ADAMTSL1: variants seen among roughly 807,000 people sequenced by gnomAD.
ADAMTSL1 encodes the protein ADAMTS-like protein 1.
In ADAMTSL1, 126 loss-of-function variants were observed where a neutral mutation model predicts 201.8. The observed-to-expected ratio is 0.62, with a 90% confidence interval of 0.54 to 0.72. ADAMTSL1 has a LOEUF of 0.72. ADAMTSL1 is among the 30% of genes least tolerant of loss of function. The pLI is 0.00. For missense variants in ADAMTSL1, 2,679 were observed against 2,277.8 expected (o/e 1.18, Z -3.59); for synonymous variants, 1,121 against 903.4 (o/e 1.24, Z -4.32).
chr9:18,065,870 A>G (rs1822670331), intron 1 of ADAMTSL1, among the ~76,000 whole-genome samples: 1 of 150,578 alleles, frequency 6.6e-6, no homozygotes. Flanking sequence ...AATCCCAGCT[A>G]TTCAGGAGGC....
At chr9:18,330,827 A>G (rs1179526748) in intron 2 of ADAMTSL1, among the ~76,000 whole-genome samples, 1 of 152,220 alleles carries the variant, frequency 6.6e-6, no homozygotes, top group African/African-American at 2.4e-5. Context: ...TGGCTTTTGT[A>G]AAAGCAAATG....
chr9:18,289,947 C>T (rs867968544), intron 2 of ADAMTSL1, among the ~76,000 whole-genome samples: 2 of 152,022 alleles, frequency 1.3e-5, no homozygotes, highest in South Asian at 2.1e-4. Context: ...TTTTTTTACC[C>T]TCTGGAGTGT....
chr9:18,095,787 G>T (rs779029810), intron 1 of ADAMTSL1, among the ~76,000 whole-genome samples: 2 of 152,010 alleles, frequency 1.3e-5, no homozygotes, highest in Non-Finnish European at 2.9e-5. Flanking sequence ...CATAATTCTT[G>T]CTCCAGTCCT....
At chr9:18,694,267 G>T (rs1831413420) in intron 13 of ADAMTSL1, among the ~76,000 whole-genome samples, 1 of 152,006 alleles carries the variant, frequency 6.6e-6, no homozygotes, top group Admixed American at 6.6e-5. Flanking sequence ...TCCTGCCCCT[G>T]GCCCCTCCCA....
chr9:18,771,110 C>T (rs1212491165), intron 17 of ADAMTSL1, among the ~76,000 whole-genome samples: 1 of 152,124 alleles, frequency 6.6e-6, no homozygotes, highest in Non-Finnish European at 1.5e-5. Context: ...CTCCACACCA[C>T]CCCCTCCTCC....
chr9:18,876,848 C>G (rs1410595181), intron 23 of ADAMTSL1, among the ~76,000 whole-genome samples: 1 of 152,170 alleles, frequency 6.6e-6, no homozygotes, highest in Non-Finnish European at 1.5e-5. Flanking sequence ...ATATGTTTAC[C>G]AAACATTTAG....
intron 19 of ADAMTSL1, among the ~76,000 whole-genome samples, chr9:18,783,146 T>C (rs1033907911): frequency 1.3e-5 from 2 of 152,182 alleles, no homozygotes; most frequent in African/African-American, 4.8e-5. Flanking sequence ...CTATTGATCT[T>C]TACTGGGCAT....
chr9:18,089,721 CAG>C, intron 1 of ADAMTSL1, among the ~76,000 whole-genome samples: 1 of 152,168 alleles, frequency 6.6e-6, no homozygotes, highest in East Asian at 1.9e-4. Flanking sequence ...CTCATAGAAG[CAG>C]AGAGTATAAT....
At chr9:18,089,441 A>T (rs953579163) in intron 1 of ADAMTSL1, among the ~76,000 whole-genome samples, 4 of 151,006 alleles carry the variant, frequency 2.6e-5, no homozygotes, top group African/African-American at 9.8e-5. Context: ...CAGGGAGGGG[A>T]ACATCACACA....
At chr9:18,779,853 A>G (rs1821282850) in intron 19 of ADAMTSL1, among the ~76,000 whole-genome samples, 1 of 152,172 alleles carries the variant, frequency 6.6e-6, no homozygotes, top group African/African-American at 2.4e-5. Flanking sequence ...CCAGCCAGTC[A>G]GTTTATCAAG....
chr9:18,581,264 C>T (rs1232823394), intron 4 of ADAMTSL1, among the ~76,000 whole-genome samples: 1 of 152,158 alleles, frequency 6.6e-6, no homozygotes, highest in Non-Finnish European at 1.5e-5. Flanking sequence ...CTTATAAGGA[C>T]AGCAATCATA....
chr9:18,530,279 A>G (rs1819361140), intron 2 of ADAMTSL1, among the ~76,000 whole-genome samples: 2 of 152,170 alleles, frequency 1.3e-5, no homozygotes, highest in African/African-American at 2.4e-5. Flanking sequence ...TATATCCCAG[A>G]TCTTCAGGCT....
chr9:18,225,507 T>A (rs1830407410), intron 2 of ADAMTSL1, among the ~76,000 whole-genome samples: 1 of 152,190 alleles, frequency 6.6e-6, no homozygotes, highest in Non-Finnish European at 1.5e-5. Context: ...GATATATTTG[T>A]TAAAATCCTT....
At chr9:18,318,912 A>C (rs1007953723) in intron 2 of ADAMTSL1, among the ~76,000 whole-genome samples, 3 of 152,214 alleles carry the variant, frequency 2.0e-5, no homozygotes, top group Non-Finnish European at 2.9e-5. Context: ...TTGATACTTT[A>C]CAAACAAATA....
At chr9:18,745,567 A>G (rs1819092693) in intron 15 of ADAMTSL1, among the ~76,000 whole-genome samples, 1 of 152,100 alleles carries the variant, frequency 6.6e-6, no homozygotes, top group South Asian at 2.1e-4. Context: ...GGTATTTAGA[A>G]CCCAAGATCT....
At chr9:18,883,946 C>CTGGAGCATATGATAATCCTATATTTAA (rs1288596110) in intron 23 of ADAMTSL1, among the ~76,000 whole-genome samples, 22 of 152,144 alleles carry the variant, frequency 1.4e-4, no homozygotes, top group African/African-American at 5.1e-4. Context: ...AGTGGAATTG[C>CTGGAGCATATGATAATCCTATATTTAA]TGGAGCATAT....
At chr9:18,508,115 G>T (rs537670786) in intron 2 of ADAMTSL1, among the ~76,000 whole-genome samples, 1 of 151,850 alleles carries the variant, frequency 6.6e-6, no homozygotes, top group African/African-American at 2.4e-5. Flanking sequence ...AACCCCAGAG[G>T]CAGAGGTTGC....
intron 1 of ADAMTSL1, among the ~76,000 whole-genome samples, chr9:18,043,994 C>T (rs1019704039): frequency 9.5e-5 from 14 of 147,120 alleles, no homozygotes; most frequent in African/African-American, 3.6e-4. Context: ...GCCTTCCCAT[C>T]TAGTATGTTA....
intron 1 of ADAMTSL1, among the ~76,000 whole-genome samples, chr9:17,918,636 C>T (rs1420726189): frequency 2.0e-5 from 3 of 151,250 alleles, no homozygotes; most frequent in Non-Finnish European, 3.0e-5. Flanking sequence ...TTTTTTTTCC[C>T]GATCAGTTTT....
Sources: gnomAD v4.1 joint callset for allele counts (sites outside exome capture counted in the v4.1 genomes callset) on GRCh38, gnomAD v4.1.1 for gene constraint, MANE v1.5 for transcripts, NCBI Gene and HGNC (gene_info 2026-07-23, HGNC 2026-07-21) for gene names.